KIAA0586: variants seen among roughly 807,000 people sequenced by gnomAD.
KIAA0586 encodes the protein protein TALPID3.
A neutral mutation model predicts 169.8 loss-of-function variants in KIAA0586; 144 were observed. The observed-to-expected ratio is 0.85, with a 90% CI of 0.74 to 0.97. The LOEUF (loss-of-function observed/expected upper bound fraction) is 0.97. Among genes scored for constraint, KIAA0586 ranks in the 50% least tolerant of loss-of-function variants. KIAA0586 has a pLI of 0.00. For missense variants in KIAA0586, 1,854 were observed against 1,823.0 expected (o/e 1.02, Z -0.31); for synonymous variants, 625 against 612.4 (o/e 1.02, Z -0.30).
intron 30 of KIAA0586, among the ~76,000 whole-genome samples, chr14:58,546,435 C>T (rs569308688): frequency 6.6e-6 from 1 of 152,138 alleles, no homozygotes; most frequent in South Asian, 2.1e-4. Flanking sequence ...ATGAAAAATT[C>T]TATGTTATTA....
In KIAA0586 at chr14:58,466,195, C is replaced by T. The variant is rs1002366930; in HGVS notation, c.2254+166C>T. On this transcript the variant is annotated intron_variant, in intron 15 of 30. Coordinates refer to ENST00000652326, the MANE Select transcript of KIAA0586 (RefSeq NM_001329943.3). ...CCTCTCAAAGTGCTGGGATTACAGGCGTGAGGCACCGTGCCCAGCCATTGA... is the reference window on the plus strand; with the variant it reads ...CCTCTCAAAGTGCTGGGATTACAGGTGTGAGGCACCGTGCCCAGCCATTGA... Among the ~76,000 whole-genome samples, 32 of 152,096 alleles carry T rather than the reference C, an allele frequency of 2.1e-4. No individual in the cohort carries two copies. The highest frequency in any genetic ancestry group is 4.0e-4 in the Non-Finnish European group (27 of 68,022).
chr14:58,516,524 C>T (rs1186256213), intron 29 of KIAA0586, among the ~76,000 whole-genome samples: 1 of 152,148 alleles, frequency 6.6e-6, no homozygotes, highest in East Asian at 1.9e-4. Context: ...AACTGTCCTG[C>T]ACAAAATTTG....
At chr14:58,560,387 A>G in the KIAA0586 span, among the ~76,000 whole-genome samples, 1 of 152,328 alleles carries the variant, frequency 6.6e-6, no homozygotes, top group East Asian at 1.9e-4. Context: ...GTTCTCATGT[A>G]TGCCGGATTG....
intron 27 of KIAA0586, among the ~76,000 whole-genome samples, 172 bp downstream of exon 27, chr14:58,499,132 C>T (rs1420924494): frequency 1.3e-5 from 2 of 152,000 alleles, no homozygotes; most frequent in Non-Finnish European, 2.9e-5. Context: ...GCAGTGTTTC[C>T]CCAAATGTGA....
At chr14:58,499,715 T>C (rs2043421816) in intron 27 of KIAA0586, among the ~76,000 whole-genome samples, 1 of 151,930 alleles carries the variant, frequency 6.6e-6, no homozygotes, top group African/African-American at 2.4e-5. Context: ...CCTGCCACCA[T>C]GCCCAGCTAA....
intron 29 of KIAA0586, among the ~76,000 whole-genome samples, chr14:58,535,530 A>G (rs1490020980): frequency 6.6e-6 from 1 of 152,174 alleles, no homozygotes; most frequent in Non-Finnish European, 1.5e-5. Context: ...TGGCAGTGGG[A>G]TATATACTTT....
intron 3 of KIAA0586, among the ~76,000 whole-genome samples, chr14:58,431,488 A>G (rs967971678): frequency 3.9e-5 from 6 of 152,256 alleles, no homozygotes; most frequent in African/African-American, 1.4e-4. Context: ...ACTGGTCTCA[A>G]ACTCCTGACC....
At chr14:58,451,674 A>T (rs776934287) in intron 8 of KIAA0586, among the ~76,000 whole-genome samples, 1 of 152,086 alleles carries the variant, frequency 6.6e-6, no homozygotes, top group African/African-American at 2.4e-5. Flanking sequence ...GTTCACTTGG[A>T]AAAAGTGCTA....
chr14:58,507,277 G>T (rs2044045612), intron 27 of KIAA0586, among the ~76,000 whole-genome samples: 1 of 139,596 alleles, frequency 7.2e-6, no homozygotes, highest in Non-Finnish European at 1.5e-5. Context: ...ATATATGTAT[G>T]ATTTATATAT....
chr14:58,463,617 G>C (rs1290228703), intron 14 of KIAA0586, among the ~76,000 whole-genome samples: 3 of 152,038 alleles, frequency 2.0e-5, no homozygotes, highest in Non-Finnish European at 4.4e-5. Context: ...GAGGCAAGAG[G>C]ATTGCTTGAG....
intron 30 of KIAA0586, among the ~76,000 whole-genome samples, chr14:58,545,828 T>C (rs2046944296): frequency 6.6e-6 from 1 of 151,762 alleles, no homozygotes; most frequent in Admixed American, 6.6e-5. Flanking sequence ...ACAAAGGAGT[T>C]TGAGACCAGC....
chr14:58,455,469 C>T (rs915020540), intron 9 of KIAA0586, among the ~76,000 whole-genome samples: 1 of 152,128 alleles, frequency 6.6e-6, no homozygotes, highest in African/African-American at 2.4e-5. Flanking sequence ...ATTCTTTCAC[C>T]TCCCAGAGTT....
intron 27 of KIAA0586, among the ~76,000 whole-genome samples, chr14:58,503,166 A>G (rs2043695329): frequency 6.6e-6 from 1 of 152,208 alleles, no homozygotes; most frequent in Non-Finnish European, 1.5e-5. Context: ...ATTTACTCAA[A>G]AAACCTGTAT....
At chr14:58,470,490 GGGCATGCTT>G (rs2041125062) in intron 16 of KIAA0586, 114 bp from the exon 17 acceptor site, 1 of 402,554 alleles carries the variant, frequency 2.5e-6, no homozygotes, top group Admixed American at 4.5e-5. Context: ...AAAACTTAAA[GGGCATGCTT>G]TGTTTTTATG....
At chr14:58,427,460 T>C, upstream of KIAA0586, 1 of 780,148 alleles carries the variant, frequency 1.3e-6, no homozygotes, top group Non-Finnish European at 2.0e-6. Context: ...ACACAAGTAG[T>C]ATTACAAGTC....
chr14:58,541,516 G>A (rs1301472796), intron 30 of KIAA0586, among the ~76,000 whole-genome samples: 1 of 152,110 alleles, frequency 6.6e-6, no homozygotes, highest in African/African-American at 2.4e-5. Flanking sequence ...GCTGCAATCA[G>A]AATAAGACAG....
At chr14:58,501,379 A>T (rs1435799495) in intron 27 of KIAA0586, among the ~76,000 whole-genome samples, 1 of 152,234 alleles carries the variant, frequency 6.6e-6, no homozygotes, top group South Asian at 2.1e-4. Flanking sequence ...TGTCCAGCTA[A>T]ATTTGCAGAA....
At chr14:58,473,948 T>C (rs2041417652) in intron 18 of KIAA0586, among the ~76,000 whole-genome samples, 1 of 151,258 alleles carries the variant, frequency 6.6e-6, no homozygotes, top group Non-Finnish European at 1.5e-5. Context: ...GGCTCGTGGC[T>C]CTGCAGGCTG....
At chr14:58,438,467 C>A (rs1457529036) in intron 4 of KIAA0586, among the ~76,000 whole-genome samples, 1 of 152,150 alleles carries the variant, frequency 6.6e-6, no homozygotes, top group African/African-American at 2.4e-5. Context: ...ACATACCTAA[C>A]CCTTTGTTAC....
Sources: gnomAD v4.1 joint callset for allele counts (sites outside exome capture counted in the v4.1 genomes callset) on GRCh38, gnomAD v4.1.1 for gene constraint, MANE v1.5 for transcripts, NCBI Gene and HGNC (gene_info 2026-07-23, HGNC 2026-07-21) for gene names.